The following CHD3 variants were observed in gnomAD, a reference collection of about 807,000 sequenced individuals.
The protein encoded by CHD3 is chromodomain helicase DNA binding protein 3.
In CHD3, 52 loss-of-function variants were observed where a neutral mutation model predicts 248.9. The observed-to-expected ratio is 0.21, with a 90% CI of 0.17 to 0.26. The LOEUF (loss-of-function observed/expected upper bound fraction) is 0.26, where lower values mean the gene tolerates loss of function less well. Ranked by LOEUF, CHD3 falls within the 10% of genes least tolerant of loss-of-function variation. The probability of loss-of-function intolerance (pLI) is 1.00; values close to 1 mark genes in which losing one functional copy is unlikely to be tolerated. For missense variants in CHD3, 1,482 were observed against 2,605.8 expected, an observed-to-expected ratio of 0.57 and a Z score of 9.39; for synonymous variants, 985 against 985.2, an observed-to-expected ratio of 1.00 and a Z score of 0.00.
rs1375353411 is a variant in CHD3 at position 7,907,403 on chromosome 17, G to A, written c.4839G>A (p.Arg1613=). The change falls in exon 32 of 40, where the codon AGG becomes AGA. Residue 1613 remains arginine, a synonymous_variant. Coordinates refer to ENST00000330494, the MANE Select transcript of CHD3 (RefSeq NM_001005273.3). This position sits in a 1 kb window ranked among gnomAD's most constrained non-coding sequence, Gnocchi z 4.3. ...CACTTGGGGAGCGGCTGGAGCCAAG[G>A]AAGATTCCTCTAGAGGATGAGGTGC... ...APSLGERLEP[R]KIPLEDEVPG... is the part of the protein sequence containing the mutation. 1.4e-5 allele frequency: 23 copies of A among 1,610,928 alleles called. No homozygotes were observed. The highest frequency in any genetic ancestry group is 2.0e-5 in the Non-Finnish European group (23 of 1,178,468).
intron 10 of CHD3, among the ~76,000 whole-genome samples, chr17:7,896,446 C>A (rs957597881): frequency 4.0e-5 from 6 of 148,928 alleles, no homozygotes; most frequent in African/African-American, 1.5e-4. Flanking sequence ...GCTCTTGTTG[C>A]CTAGGCTGGA....
intron 20 of CHD3, among the ~76,000 whole-genome samples, 180 bp from the exon 21 acceptor site, chr17:7,902,430 T>A (rs550536142): frequency 6.6e-6 from 1 of 150,868 alleles, no homozygotes; most frequent in South Asian, 2.1e-4. Context: ...CAAAAAAAAA[T>A]AAAAATAAAT....
Position 7,909,477 on chromosome 17 carries a change from A to C in CHD3, c.5590+139A>C. ...CCCTCTGACCTCTAACCCCACTCCT[A>C]CCGACCTGGCACCCCCTTGGATTTT... On this transcript the variant is annotated intron_variant, in intron 37 of 39. Coordinates refer to ENST00000330494, the MANE Select transcript of CHD3 (RefSeq NM_001005273.3). The surrounding 1 kb of genome is among the most constrained non-coding windows in gnomAD (Gnocchi z 8.1). 1 of 1,223,962 alleles carries C rather than the reference A, an allele frequency of 8.2e-7. No individual in the cohort carries two copies. The highest frequency in any genetic ancestry group is 1.1e-6 in the Non-Finnish European group (1 of 919,714). The allele number at this position is 1,223,962 out of a possible 1,614,324, so 75.8% of individuals were successfully genotyped here. A position where few individuals can be genotyped will look rare whatever the true frequency, so the allele number is the denominator to read the frequency against.
Position 7,899,432 on chromosome 17 carries a change from C to G in CHD3, c.2433C>G (p.Phe811Leu). The change falls in exon 15 of 40, where the codon TTC (phenylalanine) becomes TTG (leucine). Residue 811 changes from phenylalanine to leucine, a missense_variant. Phe to Leu is a conservative substitution (Grantham distance 22). Transcript: ENST00000330494. This position sits in a 1 kb window ranked among gnomAD's most constrained non-coding sequence, Gnocchi z 6.8. ...EREFQMWAPK[F>L]YVVTYTGDKD... ...AGTTCCAGATGTGGGCACCCAAATTCTATGTGGTGACATACACGGGTGACA... is the reference window on the plus strand; with the variant it reads ...AGTTCCAGATGTGGGCACCCAAATTGTATGTGGTGACATACACGGGTGACA... 1.2e-6 allele frequency: 2 copies of G among 1,614,156 alleles called. No homozygotes were observed. Among genetic ancestry groups the G allele is most frequent in the South Asian group, 1.1e-5 (1 of 91,078 alleles).
At chr17:7,890,518 G>A in intron 2 of CHD3, 53 bp from the exon 3 acceptor site, 2 of 1,308,328 alleles carry the variant, frequency 1.5e-6, no homozygotes, top group South Asian at 2.9e-5. Context: ...GCTGAGAACA[G>A]TTTCTGGCAA....
chr17:7,895,452 C>T lies in CHD3; in HGVS notation c.1617C>T (p.Pro539=), dbSNP rs751504345. 1.2e-6 allele frequency: 2 copies of T among 1,614,018 alleles called. No homozygotes were observed. The highest frequency in any genetic ancestry group is 2.7e-5 in the African/African-American group (2 of 74,892). ...ATGGAAATCCAGATGTCCCACCCCCCCGTCCTCTTCAAGGCAGATCAGAGC... is the reference window on the plus strand; with the variant it reads ...ATGGAAATCCAGATGTCCCACCCCCTCGTCCTCTTCAAGGCAGATCAGAGC... ...QADGNPDVPP[P]RPLQGRSERE... is the part of the protein sequence containing the mutation. Residue 539 remains proline, a synonymous_variant, in exon 10 of 40, where the codon CCC becomes CCT. Transcript: ENST00000330494. This position sits in a 1 kb window ranked among gnomAD's most constrained non-coding sequence, Gnocchi z 4.9.
Position 7,910,003 on chromosome 17 carries a change from T to G in CHD3, c.5591-425T>G. On this transcript the variant is annotated intron_variant, in intron 37 of 39. Coordinates refer to ENST00000330494, the MANE Select transcript of CHD3 (RefSeq NM_001005273.3). This position sits in a 1 kb window ranked among gnomAD's most constrained non-coding sequence, Gnocchi z 4.7. ...CCTTACATATTAAAACCGTGATTCC[T>G]TAAAGCTTTGACACTTACCACCTCC... is the stretch of plus-strand genomic sequence containing the variant. The G allele has an allele frequency of 3.5e-6, 1 of 285,044 alleles. No homozygotes were observed. The highest frequency in any genetic ancestry group is 5.1e-5 in the Admixed American group (1 of 19,494). 17.7% of individuals were successfully genotyped at this position (285,044 alleles called of 1,614,324 possible). A position where few individuals can be genotyped will look rare whatever the true frequency, so the allele number is the denominator to read the frequency against.
intron 2 of CHD3, 117 bp from the exon 3 acceptor site, chr17:7,890,454 T>G: frequency 1.4e-6 from 1 of 706,946 alleles, no homozygotes. Context: ...GATAAAAAAT[T>G]AGTTACTATC....
In CHD3 at chr17:7,910,992, AC is replaced by A. The variant is rs1177561970; in HGVS notation, c.5881+24del. 3.1e-6 allele frequency: 5 copies of A among 1,611,082 alleles called. No homozygotes were observed. The highest frequency in any genetic ancestry group is 4.2e-6 in the Non-Finnish European group (5 of 1,179,088). On this transcript the variant is annotated intron_variant, in intron 39 of 39. Transcript: ENST00000330494. This position sits in a 1 kb window ranked among gnomAD's most constrained non-coding sequence, Gnocchi z 4.7. ...ATCACAGGTCAGCTGGTGTTTTCCT[AC>A]CCCCTGCTACTCACACTCCTCCTTT...
Position 7,910,424 on chromosome 17 carries a change from C to A in CHD3, c.5591-4C>A. Reference sequence around the variant, plus strand: ...CCCTTCTTTCTCTGTGGCCCGGGCCCCAGTTCTGAACCAGCTGGAGGAGTT... The same window carrying A: ...CCCTTCTTTCTCTGTGGCCCGGGCCACAGTTCTGAACCAGCTGGAGGAGTT... On this transcript the variant is annotated splice_polypyrimidine_tract_variant and splice_region_variant and intron_variant, in intron 37 of 39. Coordinates refer to ENST00000330494, the MANE Select transcript of CHD3 (RefSeq NM_001005273.3). This position sits in a 1 kb window ranked among gnomAD's most constrained non-coding sequence, Gnocchi z 4.7. The A allele has an allele frequency of 6.2e-7, 1 of 1,614,090 alleles. No homozygotes were observed. Among genetic ancestry groups the A allele is most frequent in the Non-Finnish European group, 8.5e-7 (1 of 1,180,018 alleles).
chr17:7,888,987 C>T lies in CHD3; in HGVS notation c.-14C>T. 6.2e-7 allele frequency: 1 copy of T among 1,614,132 alleles called. No homozygotes were observed. The highest frequency in any genetic ancestry group is 8.5e-7 in the Non-Finnish European group (1 of 1,180,006). ...AGGAATATTTAGGTAATTGTGGAGACTTTCTCCTGTGTGATGAAGGCGGCA... is the reference window on the plus strand; with the variant it reads ...AGGAATATTTAGGTAATTGTGGAGATTTTCTCCTGTGTGATGAAGGCGGCA... On this transcript the variant is annotated 5_prime_UTR_variant, in exon 1 of 40. Coordinates refer to ENST00000330494, the MANE Select transcript of CHD3 (RefSeq NM_001005273.3).
rs1971310349 is a variant in CHD3 at position 7,908,924 on chromosome 17, A to G, written c.5394+95A>G. ...GAACCTAGGGAAGGTTAACACCTTC[A>G]GGGCTGAGGTGATACCTGGGGCCAA... On this transcript the variant is annotated intron_variant, in intron 36 of 39. Coordinates refer to ENST00000330494, the MANE Select transcript of CHD3 (RefSeq NM_001005273.3). The surrounding 1 kb of genome is among the most constrained non-coding windows in gnomAD (Gnocchi z 5.8). 3 of 1,525,360 alleles carry G rather than the reference A, an allele frequency of 2.0e-6. No homozygotes were observed. Among genetic ancestry groups the G allele is most frequent in the Non-Finnish European group, 1.8e-6 (2 of 1,110,292 alleles). 94.5% of individuals were successfully genotyped at this position (1,525,360 alleles called of 1,614,324 possible). A position where few individuals can be genotyped will look rare whatever the true frequency, so the allele number is the denominator to read the frequency against.
intron 20 of CHD3, among the ~76,000 whole-genome samples, chr17:7,902,147 G>A (rs1210321882): frequency 1.3e-5 from 2 of 151,994 alleles, no homozygotes; most frequent in African/African-American, 2.4e-5. Context: ...AGGGCCAGAC[G>A]TGGTGGCTCA....
At position 7,907,898 on chromosome 17, in the gene CHD3, T is replaced by C. The variant is rs2151652280; in HGVS notation, c.5031T>C (p.Asp1677=). ...GETGDLGKRE[D]VKGDRELRPG... is the part of the protein sequence containing the mutation. ...TTGACCTGTCTGTCCTAGCAGAAGA[T>C]GTAAAAGGTGACCGGGAGCTTCGAC... The change falls in exon 34 of 40, where the codon GAT becomes GAC. Residue 1677 remains aspartate, a synonymous_variant. Coordinates refer to ENST00000330494, the MANE Select transcript of CHD3 (RefSeq NM_001005273.3). This position sits in a 1 kb window ranked among gnomAD's most constrained non-coding sequence, Gnocchi z 4.3. 1.2e-6 allele frequency: 2 copies of C among 1,611,836 alleles called. No homozygotes were observed. Among genetic ancestry groups the C allele is most frequent in the African/African-American group, 2.7e-5 (2 of 74,864 alleles).
Position 7,895,477 on chromosome 17 carries a change from C to T in CHD3, c.1642C>T (p.Arg548Ter), listed in dbSNP as rs757544586. The change falls in exon 10 of 40, where the codon CGA becomes TGA. Residue 548 changes from arginine (R) to a stop codon, truncating the protein, a stop_gained. Transcript: ENST00000330494. LOFTEE classifies it high-confidence loss of function. This position sits in a 1 kb window ranked among gnomAD's most constrained non-coding sequence, Gnocchi z 4.9. Reference sequence around the variant, plus strand: ...CCGTCCTCTTCAAGGCAGATCAGAGCGAGAGTTCTTTGTCAAGTGGGTAGG... The same window carrying T: ...CCGTCCTCTTCAAGGCAGATCAGAGTGAGAGTTCTTTGTCAAGTGGGTAGG... ...PPRPLQGRSEREFFVKWVGLS... is the reference protein window; with the variant it reads ...PPRPLQGRSE 1.2e-6 allele frequency: 2 copies of T among 1,614,104 alleles called. No individual in the cohort carries two copies. The highest frequency in any genetic ancestry group is 1.7e-6 in the Non-Finnish European group (2 of 1,180,022).
intron 21 of CHD3, 36 bp downstream of exon 21, chr17:7,902,763 A>G: frequency 6.3e-7 from 1 of 1,598,562 alleles, no homozygotes; most frequent in Non-Finnish European, 8.6e-7. Context: ...TGGGTGTGGG[A>G]GGCCTGAGAA....
chr17:7,897,211 G>T lies in CHD3; in HGVS notation c.1836G>T (p.Pro612=), dbSNP rs752055513. The T allele has an allele frequency of 6.2e-7, 1 of 1,614,144 alleles. No homozygotes were observed. Among genetic ancestry groups the T allele is most frequent in the Non-Finnish European group, 8.5e-7 (1 of 1,180,030 alleles). Residue 612 remains proline, a synonymous_variant, in exon 11 of 40, where the codon CCG becomes CCT. Transcript: ENST00000330494. The surrounding 1 kb of genome is among the most constrained non-coding windows in gnomAD (Gnocchi z 4.8). ...GKSDKRKVKD[P]HYAEMEEKYY... Reference sequence around the variant, plus strand: ...GCGACAAGCGTAAAGTGAAAGACCCGCACTATGCTGAGATGGAGGAGAAGT... The same window carrying T: ...GCGACAAGCGTAAAGTGAAAGACCCTCACTATGCTGAGATGGAGGAGAAGT...
rs1453050148 is a variant in CHD3, at chr17:7,895,200, C to T, written c.1503+50C>T. The T allele has an allele frequency of 1.3e-6, 2 of 1,593,980 alleles. No individual in the cohort carries two copies. Among genetic ancestry groups the T allele is most frequent in the Admixed American group, 1.7e-5 (1 of 59,200 alleles). On this transcript the variant is annotated intron_variant, in intron 9 of 39. Coordinates refer to ENST00000330494, the MANE Select transcript of CHD3 (RefSeq NM_001005273.3). The surrounding 1 kb of genome is among the most constrained non-coding windows in gnomAD (Gnocchi z 4.9). The stretch of plus-strand genomic sequence containing the variant: ...TATTTACTGTCAGGCCTGATCCCTT[C>T]CCCCATCCCTGGGGCCCACATGTCC...
Position 7,910,282 on chromosome 17 carries a change from G to T in CHD3, c.5591-146G>T. ...TTCCATCTACTTCTTTTACTTTCTT[G>T]ATCTCTGGTTCTTTGACATCTGTGT... On this transcript the variant is annotated intron_variant, in intron 37 of 39. Transcript: ENST00000330494. This position sits in a 1 kb window ranked among gnomAD's most constrained non-coding sequence, Gnocchi z 4.7. 7 of 961,142 alleles carry T rather than the reference G, an allele frequency of 7.3e-6. No individual in the cohort carries two copies. The highest frequency in any genetic ancestry group is 5.0e-5 in the East Asian group (2 of 39,862). The allele number at this position is 961,142 out of a possible 1,614,324, so 59.5% of individuals were successfully genotyped here. A position where few individuals can be genotyped will look rare whatever the true frequency, so the allele number is the denominator to read the frequency against.
Sources: gnomAD v4.1 joint callset for allele counts (sites outside exome capture counted in the v4.1 genomes callset) on GRCh38, gnomAD v4.1.1 for gene constraint, Gnocchi (gnomAD v3.1) non-coding constraint, MANE v1.5 for transcripts, NCBI Gene and HGNC (gene_info 2026-07-23, HGNC 2026-07-21) for gene names.